The following CNTN5 variants were observed in gnomAD, a reference collection of about 807,000 sequenced individuals.
CNTN5 encodes contactin 5, also known as contactin-5.
CNTN5 carries 77 observed loss-of-function variants against 129.1 expected under a neutral mutation model. The ratio of observed to expected loss-of-function variants is 0.60; its 90% CI spans 0.50 to 0.72. CNTN5 has a LOEUF of 0.72. Among genes scored for constraint, CNTN5 ranks in the 30% least tolerant of loss-of-function variants. The probability of loss-of-function intolerance (pLI) is 0.00; values close to 1 mark genes in which losing one functional copy is unlikely to be tolerated. For synonymous variants in CNTN5, 509 were observed against 465.6 expected (o/e 1.09, Z -1.20); for missense variants, 1,478 against 1,328.8 (o/e 1.11, Z -1.75).
intron 4 of CNTN5, among the ~76,000 whole-genome samples, chr11:99,841,635 A>AGAG (rs35574025): frequency 0.013 from 2,006 of 151,758 alleles, 53 homozygotes; most frequent in African/African-American, 0.046. Context: ...CATCAGCAGA[A>AGAG]GAGGAGGAGG....
At chr11:99,183,710 G>A (rs1035103060) in intron 1 of CNTN5, among the ~76,000 whole-genome samples, 2 of 151,666 alleles carry the variant, frequency 1.3e-5, no homozygotes, top group African/African-American at 4.8e-5. Flanking sequence ...TACTCCTTTG[G>A]TTTAATGGCC....
intron 17 of CNTN5, among the ~76,000 whole-genome samples, chr11:100,258,103 G>A (rs574270513): frequency 7.2e-4 from 110 of 152,182 alleles, no homozygotes; most frequent in African/African-American, 1.9e-3. Flanking sequence ...ATGACCTGAT[G>A]GAACTGAAAA....
intron 6 of CNTN5, among the ~76,000 whole-genome samples, chr11:99,881,405 A>G (rs1311642471): frequency 6.6e-6 from 1 of 152,220 alleles, no homozygotes; most frequent in Non-Finnish European, 1.5e-5. Flanking sequence ...GATTTATGTA[A>G]GTGATATTTA....
rs1348158 is a variant in CNTN5 at position 99,866,173 on chromosome 11, G to A, written c.577+20911G>A. Among the ~76,000 whole-genome samples the A allele has an allele frequency of 3.2e-3, 492 of 152,190 alleles. 3 individuals are homozygous for A. The highest frequency in any genetic ancestry group is 0.011 in the African/African-American group (466 of 41,534). On this transcript the variant is annotated intron_variant, in intron 6 of 24. Coordinates refer to ENST00000524871, the MANE Select transcript of CNTN5 (RefSeq NM_014361.4). The stretch of plus-strand genomic sequence containing the variant: ...GGGTGTTTTCCAAGTGACTTGTCAC[G>A]AATGGTTTTGCTCTCTAGTGCACTT...
chr11:99,710,580 T>C (rs1288285535), intron 3 of CNTN5, among the ~76,000 whole-genome samples: 1 of 133,882 alleles, frequency 7.5e-6, no homozygotes. Context: ...TGTGTGTGTG[T>C]GTGTGTGTGT....
At chr11:100,236,715 T>C (rs1193690807) in intron 16 of CNTN5, among the ~76,000 whole-genome samples, 1 of 152,096 alleles carries the variant, frequency 6.6e-6, no homozygotes, top group Non-Finnish European at 1.5e-5. Flanking sequence ...TGCATTGCCT[T>C]CAGCTATTCT....
chr11:99,374,360 A>G (rs1940024586), intron 2 of CNTN5, among the ~76,000 whole-genome samples: 1 of 152,206 alleles, frequency 6.6e-6, no homozygotes, highest in South Asian at 2.1e-4. Context: ...TGGCTCAAAC[A>G]TTTATTTTCC....
intron 6 of CNTN5, among the ~76,000 whole-genome samples, chr11:99,859,660 T>C (rs1948148015): frequency 6.6e-6 from 1 of 152,224 alleles, no homozygotes; most frequent in Admixed American, 6.5e-5. Context: ...GCTGCATCCA[T>C]GTTGCTTCAA....
rs192054783 is a variant in CNTN5 at position 99,976,716 on chromosome 11, C to T, written c.877+19707C>T. The stretch of plus-strand genomic sequence containing the variant: ...TCCCGAGGCTGCACAGTGCAACTGG[C>T]CACCAGGCATGGCCTGTGAAACTAT... On this transcript the variant is annotated intron_variant, in intron 8 of 24. Coordinates refer to ENST00000524871, the MANE Select transcript of CNTN5 (RefSeq NM_014361.4). 1.1e-3 allele frequency among the ~76,000 whole-genome samples: 173 copies of T among 152,324 alleles called. 1 individual carries two copies. The highest frequency in any genetic ancestry group is 1.6e-3 in the Non-Finnish European group (107 of 68,028).
At chr11:99,408,501 A>AGAAAGAAAGAAG (rs1565558170) in intron 2 of CNTN5, among the ~76,000 whole-genome samples, 23 of 146,654 alleles carry the variant, frequency 1.6e-4, no homozygotes, top group Admixed American at 9.6e-4. Flanking sequence ...AAAGAAAGAA[A>AGAAAGAAAGAAG]GAAAGTTAGT....
chr11:99,248,641 A>T (rs1290722951), intron 1 of CNTN5, among the ~76,000 whole-genome samples: 2 of 152,174 alleles, frequency 1.3e-5, no homozygotes, highest in Non-Finnish European at 2.9e-5. Flanking sequence ...ATTTTTGTAT[A>T]AGAAATGTAA....
At chr11:99,845,361 C>G (rs1947653064) in intron 6 of CNTN5, 99 bp downstream of exon 6, 1 of 198,302 alleles carries the variant, frequency 5.0e-6, no homozygotes, top group Non-Finnish European at 9.2e-6. Context: ...CCTAAGATCT[C>G]AAATCTTTTT....
At chr11:100,204,147 A>G (rs993371852) in intron 15 of CNTN5, among the ~76,000 whole-genome samples, 5 of 150,612 alleles carry the variant, frequency 3.3e-5, no homozygotes, top group African/African-American at 1.2e-4. Context: ...TTAGTTAGGA[A>G]CATACTTATT....
intron 9 of CNTN5, among the ~76,000 whole-genome samples, chr11:100,052,282 GACTAAAATATTTCCCCTTTCCTTTTATC>G (rs1167336864): frequency 6.6e-6 from 1 of 151,758 alleles, no homozygotes; most frequent in Non-Finnish European, 1.5e-5. Context: ...AATGGTAAGA[GACTAAAATATTTCCCCTTTCCTTTTATC>G]ACCACCTCTG....
At chr11:99,632,366 G>C (rs1361383258) in intron 3 of CNTN5, among the ~76,000 whole-genome samples, 4 of 152,034 alleles carry the variant, frequency 2.6e-5, no homozygotes, top group Non-Finnish European at 4.4e-5. Context: ...CTGTGATTAT[G>C]CTTAGGGTAA....
intron 3 of CNTN5, among the ~76,000 whole-genome samples, chr11:99,630,215 G>A (rs946656911): frequency 5.4e-4 from 79 of 147,082 alleles, no homozygotes; most frequent in African/African-American, 1.9e-3. Context: ...ATTTCAAAAT[G>A]TACTTTGCTT....
At chr11:99,386,155 C>G (rs1366322432) in intron 2 of CNTN5, among the ~76,000 whole-genome samples, 1 of 152,088 alleles carries the variant, frequency 6.6e-6, no homozygotes, top group Non-Finnish European at 1.5e-5. Context: ...TAGAGCAGGG[C>G]CCACCTCCAA....
At chr11:100,126,240 C>T (rs1487565131) in intron 13 of CNTN5, among the ~76,000 whole-genome samples, 1 of 151,948 alleles carries the variant, frequency 6.6e-6, no homozygotes, top group Non-Finnish European at 1.5e-5. Context: ...GTATGTTCCA[C>T]GTGCAGATGA....
At chr11:99,999,252 A>G (rs1295003085) in intron 8 of CNTN5, among the ~76,000 whole-genome samples, 1 of 152,194 alleles carries the variant, frequency 6.6e-6, no homozygotes, top group East Asian at 1.9e-4. Context: ...TTCACAACCT[A>G]CTCATCTGAC....
Sources: allele counts gnomAD v4.1 joint callset (sites outside exome capture counted in the v4.1 genomes callset), GRCh38; gene constraint gnomAD v4.1.1; transcripts MANE v1.5; gene names NCBI Gene and HGNC (gene_info 2026-07-23, HGNC 2026-07-21).